The following PTPRD variants were observed in gnomAD, a reference collection of about 807,000 sequenced individuals.
PTPRD encodes the protein receptor-type tyrosine-protein phosphatase delta.
In PTPRD, 34 loss-of-function variants were observed where a neutral mutation model predicts 214.5. That is an observed-to-expected ratio of 0.16 (90% CI 0.12 to 0.21). The LOEUF (loss-of-function observed/expected upper bound fraction) is 0.21, where lower values mean the gene tolerates loss of function less well. Ranked by LOEUF, PTPRD falls within the 10% of genes least tolerant of loss-of-function variation. The pLI is 1.00. For missense variants in PTPRD, 2,545 were observed against 2,398.7 expected, an observed-to-expected ratio of 1.06 and a Z score of -1.27; for synonymous variants, 1,128 against 845.7, an observed-to-expected ratio of 1.33 and a Z score of -5.79.
chr9:10,160,718 C>T (rs1013746117), intron 3 of PTPRD, among the ~76,000 whole-genome samples: 4 of 151,806 alleles, frequency 2.6e-5, no homozygotes, highest in Non-Finnish European at 4.4e-5. Flanking sequence ...ACTGGAAGCC[C>T]TAGCCACAGA....
intron 26 of PTPRD, among the ~76,000 whole-genome samples, chr9:8,495,384 A>G (rs1563819480): frequency 6.6e-6 from 1 of 152,086 alleles, no homozygotes; most frequent in Non-Finnish European, 1.5e-5. Context: ...TTTCATTTCT[A>G]CTGCCTCAAC....
At chr9:10,350,233 A>G (rs190224428) in intron 2 of PTPRD, among the ~76,000 whole-genome samples, 3 of 152,278 alleles carry the variant, frequency 2.0e-5, no homozygotes, top group Admixed American at 2.0e-4. Flanking sequence ...TTCAGGCATT[A>G]ATTAGCAAAG....
chr9:8,741,202 A>C (rs1411058683), intron 11 of PTPRD, among the ~76,000 whole-genome samples: 1 of 149,888 alleles, frequency 6.7e-6, no homozygotes, highest in African/African-American at 2.5e-5. Flanking sequence ...AGAAATGAAC[A>C]GATAGAAAGG....
chr9:9,870,081 A>G (rs1001770906), intron 5 of PTPRD, among the ~76,000 whole-genome samples: 2 of 152,094 alleles, frequency 1.3e-5, no homozygotes, highest in Non-Finnish European at 2.9e-5. Flanking sequence ...TCTTAACATG[A>G]TATCTTAGAT....
At chr9:10,452,506 G>A (rs113192086) in intron 2 of PTPRD, among the ~76,000 whole-genome samples, 3,316 of 150,694 alleles carry the variant, frequency 0.022, 101 homozygotes, top group African/African-American at 0.068. Flanking sequence ...TTTTTATATT[G>A]GCCACCCTAA....
intron 2 of PTPRD, among the ~76,000 whole-genome samples, chr9:10,560,722 G>T (rs1038555969): frequency 1.3e-5 from 2 of 152,070 alleles, no homozygotes; most frequent in African/African-American, 4.8e-5. Flanking sequence ...ACCAGTCGCA[G>T]TAAACCAAGA....
At chr9:8,347,921 G>C (rs2074327858) in intron 39 of PTPRD, among the ~76,000 whole-genome samples, 1 of 152,122 alleles carries the variant, frequency 6.6e-6, no homozygotes, top group South Asian at 2.1e-4. Context: ...GTAAGTTTCT[G>C]TTGTTTGAGC....
intron 2 of PTPRD, among the ~76,000 whole-genome samples, chr9:10,488,239 C>T (rs529423598): frequency 3.2e-4 from 48 of 151,882 alleles, no homozygotes; most frequent in South Asian, 1.7e-3. Flanking sequence ...CGGTGGCGGG[C>T]GCCTGTAGTC....
chr9:8,699,875 T>C (rs1471432409), intron 12 of PTPRD, among the ~76,000 whole-genome samples: 1 of 152,176 alleles, frequency 6.6e-6, no homozygotes, highest in African/African-American at 2.4e-5. Context: ...AGTTTCCCAT[T>C]GTGATAAGGG....
intron 14 of PTPRD, among the ~76,000 whole-genome samples, chr9:8,602,748 G>A (rs1449850536): frequency 1.3e-5 from 2 of 152,138 alleles, no homozygotes; most frequent in African/African-American, 4.8e-5. Flanking sequence ...AGAGAAACAT[G>A]CAGTTACATA....
intron 5 of PTPRD, among the ~76,000 whole-genome samples, chr9:9,856,382 G>A (rs1012616078): frequency 2.0e-5 from 3 of 152,058 alleles, no homozygotes; most frequent in Admixed American, 6.6e-5. Flanking sequence ...TTGGCTTGAG[G>A]GTAGGGCTTC....
At chr9:9,574,954 G>A (rs1023303795) in intron 7 of PTPRD, among the ~76,000 whole-genome samples, 173 bp from the exon 8 acceptor site, 1 of 152,090 alleles carries the variant, frequency 6.6e-6, no homozygotes, top group African/African-American at 2.4e-5. Flanking sequence ...AGCATTACCA[G>A]TTACTCATCT....
chr9:10,441,078 G>A (rs1588234576), intron 2 of PTPRD, among the ~76,000 whole-genome samples: 2 of 151,680 alleles, frequency 1.3e-5, no homozygotes, highest in East Asian at 1.9e-4. Context: ...GGACTTCATC[G>A]TTTCCAACCC....
intron 11 of PTPRD, among the ~76,000 whole-genome samples, chr9:8,849,519 C>T (rs576050946): frequency 6.6e-6 from 1 of 152,268 alleles, no homozygotes; most frequent in Admixed American, 6.5e-5. Flanking sequence ...AGCCACCGCG[C>T]CTGGTCCATA....
At chr9:10,154,762 G>C (rs1368913843) in intron 3 of PTPRD, among the ~76,000 whole-genome samples, 2 of 110,800 alleles carry the variant, frequency 1.8e-5, no homozygotes, top group African/African-American at 5.0e-5. Context: ...GGCTGTAGCA[G>C]GGTGGCCTAT....
chr9:10,494,920 A>G (rs2041580291), intron 2 of PTPRD, among the ~76,000 whole-genome samples: 2 of 151,728 alleles, frequency 1.3e-5, no homozygotes, highest in Admixed American at 1.3e-4. Flanking sequence ...TATTGTTGAC[A>G]TACAGATTTG....
chr9:8,673,562 T>C (rs2097332756), intron 12 of PTPRD, among the ~76,000 whole-genome samples: 1 of 152,230 alleles, frequency 6.6e-6, no homozygotes, highest in Admixed American at 6.5e-5. Context: ...TAATGGTTAC[T>C]AAGATGACTT....
At chr9:9,772,611 T>G (rs2821507) in intron 5 of PTPRD, among the ~76,000 whole-genome samples, 69,563 of 151,960 alleles carry the variant, frequency 0.46, 16,341 homozygotes, top group East Asian at 0.69. Flanking sequence ...GACCTGAAGA[T>G]TGTCTATCAC....
At chr9:9,646,425 G>C (rs1480862756) in intron 7 of PTPRD, among the ~76,000 whole-genome samples, 1 of 151,562 alleles carries the variant, frequency 6.6e-6, no homozygotes, top group Non-Finnish European at 1.5e-5. Context: ...AAACCATTTA[G>C]CAGAGTAAGT....
Sources: gnomAD v4.1 joint callset for allele counts (sites outside exome capture counted in the v4.1 genomes callset) on GRCh38, gnomAD v4.1.1 for gene constraint, MANE v1.5 for transcripts, NCBI Gene and HGNC (gene_info 2026-07-23, HGNC 2026-07-21) for gene names.